PVT1: variants seen among roughly 807,000 people sequenced by gnomAD.
PVT1 encodes the protein CXCR4/PVT1 fusion.
At chr8:127,869,931 G>A (rs1365311815) in intron 2 of PVT1, among the ~76,000 whole-genome samples, 1 of 152,260 alleles carries the variant, frequency 6.6e-6, no homozygotes, top group East Asian at 1.9e-4. Flanking sequence ...AGCCGTCCGA[G>A]TAGCTGAGAT....
chr8:127,809,126 G>T (rs1814563300), intron 2 of PVT1, among the ~76,000 whole-genome samples: 1 of 151,356 alleles, frequency 6.6e-6, no homozygotes. Context: ...GCTAGCTAGA[G>T]ACCTTCCAAA....
chr8:127,822,939 A>G (rs1814749091), intron 2 of PVT1, among the ~76,000 whole-genome samples: 1 of 152,220 alleles, frequency 6.6e-6, no homozygotes, highest in Non-Finnish European at 1.5e-5. Context: ...CCAGGGAGTG[A>G]CATGATTGGA....
intron 4 of PVT1, among the ~76,000 whole-genome samples, chr8:128,027,730 T>G (rs1165405183): frequency 6.6e-6 from 1 of 152,212 alleles, no homozygotes; most frequent in Non-Finnish European, 1.5e-5. Flanking sequence ...AGCTAGGTTC[T>G]CAGCACTACT....
At chr8:128,022,863 T>A (rs1817454216) in intron 4 of PVT1, among the ~76,000 whole-genome samples, 1 of 69,452 alleles carries the variant, frequency 1.4e-5, no homozygotes, top group African/African-American at 1.1e-4. Context: ...CAAGCTGAGA[T>A]TTTTTTTTTT....
At chr8:127,828,734 G>GC (rs986058308) in intron 2 of PVT1, among the ~76,000 whole-genome samples, 5 of 151,754 alleles carry the variant, frequency 3.3e-5, no homozygotes, top group African/African-American at 4.8e-5. Flanking sequence ...GTGCAGGTCC[G>GC]CCCCCCCAGA....
At chr8:127,851,074 T>C (rs371575829) in intron 2 of PVT1, among the ~76,000 whole-genome samples, 1 of 152,126 alleles carries the variant, frequency 6.6e-6, no homozygotes, top group Non-Finnish European at 1.5e-5. Context: ...TAAGCATTTT[T>C]AAGCATTTTA....
chr8:127,850,726 C>T (rs1815098214), intron 2 of PVT1, among the ~76,000 whole-genome samples: 1 of 152,158 alleles, frequency 6.6e-6, no homozygotes, highest in African/African-American at 2.4e-5. Flanking sequence ...AAGTTAAGAA[C>T]ATGTAGTTGT....
At chr8:128,033,839 G>C (rs974674588) in intron 4 of PVT1, among the ~76,000 whole-genome samples, 12 of 152,102 alleles carry the variant, frequency 7.9e-5, no homozygotes, top group African/African-American at 2.7e-4. Context: ...TCAGTCTTTG[G>C]CCTGTATCCT....
In PVT1 at chr8:128,008,505, G is replaced by A. The variant is rs116925061; in HGVS notation, n.912+19214G>A. Among the ~76,000 whole-genome samples, 28 of 152,304 alleles carry A rather than the reference G, an allele frequency of 1.8e-4. No homozygotes were observed. The East Asian group carries it at 5.4e-3, about 29-fold the overall frequency. The stretch of plus-strand genomic sequence containing the variant: ...CCAGAAAGAACTGTCCCCTTCTCAT[G>A]CCTGTTCCCTACTTCTTTTGCAGCT... On this transcript the variant is annotated intron_variant and non_coding_transcript_variant, in intron 4 of 10. Transcript: ENST00000651587.
intron 3 of PVT1, among the ~76,000 whole-genome samples, chr8:127,899,628 G>A (rs1030905787): frequency 2.0e-5 from 3 of 152,214 alleles, no homozygotes; most frequent in Non-Finnish European, 2.9e-5. Flanking sequence ...GGAAAAGGAG[G>A]CAGAGCAGAG....
intron 4 of PVT1, among the ~76,000 whole-genome samples, chr8:128,040,083 A>T (rs2130085585): frequency 6.6e-6 from 1 of 152,280 alleles, no homozygotes; most frequent in Admixed American, 6.5e-5. Flanking sequence ...ATCCAAGTGG[A>T]GACAGTAAGG....
At chr8:128,092,606 G>C (rs1002541066) in intron 5 of PVT1, among the ~76,000 whole-genome samples, 1 of 152,308 alleles carries the variant, frequency 6.6e-6, no homozygotes, top group East Asian at 1.9e-4. Context: ...GAACTCCTCA[G>C]TGGGCAAGAT....
intron 4 of PVT1, among the ~76,000 whole-genome samples, chr8:128,060,290 A>G (rs750042299): frequency 1.3e-5 from 2 of 152,118 alleles, no homozygotes; most frequent in Non-Finnish European, 2.9e-5. Flanking sequence ...CGTTGGCCTC[A>G]AAGTTCTTGG....
chr8:127,906,031 T>C (rs1815815924), intron 3 of PVT1, among the ~76,000 whole-genome samples: 1 of 152,198 alleles, frequency 6.6e-6, no homozygotes, highest in African/African-American at 2.4e-5. Flanking sequence ...ACACACCAAG[T>C]ATCCATGAAG....
chr8:128,080,541 A>C (rs1814162996), intron 5 of PVT1, among the ~76,000 whole-genome samples: 1 of 152,188 alleles, frequency 6.6e-6, no homozygotes, highest in Non-Finnish European at 1.5e-5. Context: ...TCTTTTGCTC[A>C]TGTTTTAACT....
rs115983992 is a variant in PVT1 at position 127,965,128 on chromosome 8, T to G, written n.783-24034T>G. 5.8e-3 allele frequency among the ~76,000 whole-genome samples: 882 copies of G among 152,356 alleles called. 14 individuals carry two copies. The highest frequency in any genetic ancestry group is 0.02 in the African/African-American group (843 of 41,596). On this transcript the variant is annotated intron_variant and non_coding_transcript_variant, in intron 3 of 10. Transcript: ENST00000651587. ...CCAAGGTTTAGACCTCATATCCAGATGCTCTTTTCTGTGGTTTTGTCACTT... is the reference window on the plus strand; with the variant it reads ...CCAAGGTTTAGACCTCATATCCAGAGGCTCTTTTCTGTGGTTTTGTCACTT...
chr8:127,936,332 G>A (rs1455760393), intron 3 of PVT1, among the ~76,000 whole-genome samples: 3 of 152,082 alleles, frequency 2.0e-5, no homozygotes, highest in Non-Finnish European at 4.4e-5. Flanking sequence ...GATTATAGGC[G>A]TGAGCCACCC....
In PVT1 at chr8:128,038,009, C is replaced by G. The variant is rs542214505; in HGVS notation, n.913-32151C>G. Among the ~76,000 whole-genome samples, 275 of 152,252 alleles carry G rather than the reference C, an allele frequency of 1.8e-3. 1 individual carries two copies. Among genetic ancestry groups the G allele is most frequent in the Non-Finnish European group, 3.4e-3 (231 of 68,020 alleles). ...TACTTTCTTATCTAAAAATATCTGC[C>G]AGTGGGAGTTCCTGATCTGGGTCAC... On this transcript the variant is annotated intron_variant and non_coding_transcript_variant, in intron 4 of 10. Coordinates refer to ENST00000651587, the Ensembl canonical transcript of PVT1.
At chr8:128,088,034 C>T (rs907663427) in intron 5 of PVT1, among the ~76,000 whole-genome samples, 4 of 152,146 alleles carry the variant, frequency 2.6e-5, no homozygotes, top group African/African-American at 9.7e-5. Flanking sequence ...GCTGGGATTA[C>T]AGGTGTAAGC....
Sources: allele counts gnomAD v4.1 joint callset (sites outside exome capture counted in the v4.1 genomes callset), GRCh38; gene constraint gnomAD v4.1.1; transcripts MANE v1.5; gene names NCBI Gene and HGNC (gene_info 2026-07-23, HGNC 2026-07-21).